The following MYT1L variants were observed in gnomAD, a reference collection of about 807,000 sequenced individuals.
The protein encoded by MYT1L is myelin transcription factor 1-like protein.
In MYT1L, 12 loss-of-function variants were observed where a neutral mutation model predicts 126.7. The observed-to-expected ratio is 0.09, with a 90% CI of 0.06 to 0.15. MYT1L has a LOEUF of 0.15. Ranked by LOEUF, MYT1L falls within the 10% of genes least tolerant of loss-of-function variation. The pLI is 1.00. For missense variants in MYT1L, 979 were observed against 1,585.2 expected (o/e 0.62, Z 6.49); for synonymous variants, 541 against 604.2 (o/e 0.90, Z 1.53).
chr2:1,801,878 T>C lies in MYT1L; in HGVS notation c.3173-79A>G. Reference sequence around the variant, plus strand: ...TTAGAATTTTGGGAGCTTTCTTTGTTCCTTTTATATTCGTAATTGAATTTG... The same window carrying C: ...TTAGAATTTTGGGAGCTTTCTTTGTCCCTTTTATATTCGTAATTGAATTTG... On this transcript the variant is annotated intron_variant, in intron 22 of 24. Coordinates refer to ENST00000647738, the MANE Select transcript of MYT1L (RefSeq NM_001303052.2). The surrounding 1 kb of genome is among the most constrained non-coding windows in gnomAD (Gnocchi z 4.2). The C allele has an allele frequency of 1.2e-6, 1 of 823,562 alleles. No homozygotes were observed. The highest frequency in any genetic ancestry group is 1.8e-5 in the South Asian group (1 of 54,546). The allele number at this position is 823,562 out of a possible 1,614,324, so 51.0% of individuals were successfully genotyped here.
At chr2:1,867,846 T>G (rs1265362128) in intron 18 of MYT1L, among the ~76,000 whole-genome samples, 9 of 152,250 alleles carry the variant, frequency 5.9e-5, no homozygotes, top group Non-Finnish European at 7.3e-5. Flanking sequence ...TCCCCAAAAC[T>G]GTTCCAAATA....
At chr2:1,798,250 C>T (rs577733271) in intron 23 of MYT1L, among the ~76,000 whole-genome samples, 134 of 142,030 alleles carry the variant, frequency 9.4e-4, no homozygotes, top group Middle Eastern at 4.0e-3. Context: ...GCGGCGGTCT[C>T]CCTCCATCCG....
intron 2 of MYT1L, among the ~76,000 whole-genome samples, chr2:2,257,977 A>G (rs1389764791): frequency 7.6e-6 from 1 of 131,530 alleles, no homozygotes; most frequent in Non-Finnish European, 1.6e-5. Context: ...GCATCACACT[A>G]CCTGACTTCA....
intron 3 of MYT1L, among the ~76,000 whole-genome samples, chr2:2,149,631 C>A (rs1390300653): frequency 3.3e-5 from 5 of 152,186 alleles, no homozygotes; most frequent in African/African-American, 1.2e-4. Flanking sequence ...ACCTGTCAGG[C>A]CATACAGGGT....
chr2:2,140,143 A>G (rs1358190365), intron 3 of MYT1L, among the ~76,000 whole-genome samples: 3 of 152,210 alleles, frequency 2.0e-5, no homozygotes, highest in Non-Finnish European at 4.4e-5. Context: ...AGAGTCCTAT[A>G]AAGCCTTTCA....
At chr2:2,299,987 T>C (rs2095758791) in intron 1 of MYT1L, among the ~76,000 whole-genome samples, 1 of 152,198 alleles carries the variant, frequency 6.6e-6, no homozygotes, top group Admixed American at 6.5e-5. Flanking sequence ...TAGAAGTCAT[T>C]CCCAAGCTGT....
intron 1 of MYT1L, among the ~76,000 whole-genome samples, chr2:2,307,131 T>C (rs2095869358): frequency 6.6e-6 from 1 of 152,034 alleles, no homozygotes; most frequent in African/African-American, 2.4e-5. Context: ...ACGGCAATAT[T>C]TGAAATAGAT....
At chr2:1,909,465 G>C (rs2051572244) in intron 13 of MYT1L, among the ~76,000 whole-genome samples, 1 of 152,298 alleles carries the variant, frequency 6.6e-6, no homozygotes, top group Middle Eastern at 3.4e-3. Context: ...TGTTTCTGCT[G>C]TGATGTTGTG....
intron 3 of MYT1L, among the ~76,000 whole-genome samples, chr2:2,143,834 C>T (rs1040046201): frequency 1.3e-5 from 2 of 152,030 alleles, no homozygotes; most frequent in African/African-American, 4.8e-5. Context: ...AGCTGGAGGC[C>T]ATTATCCTAA....
intron 18 of MYT1L, among the ~76,000 whole-genome samples, chr2:1,865,563 G>T (rs1458419601): frequency 6.6e-6 from 1 of 152,104 alleles, no homozygotes; most frequent in African/African-American, 2.4e-5. Flanking sequence ...AAAGTGCAGA[G>T]AATTTTAGCT....
At chr2:2,222,619 T>C (rs2093909471) in intron 2 of MYT1L, among the ~76,000 whole-genome samples, 1 of 152,324 alleles carries the variant, frequency 6.6e-6, no homozygotes, top group East Asian at 1.9e-4. Flanking sequence ...TGTTGCCTGG[T>C]TCCTTTTTTG....
chr2:2,244,656 A>T (rs2094498959), intron 2 of MYT1L, among the ~76,000 whole-genome samples: 1 of 152,234 alleles, frequency 6.6e-6, no homozygotes. Flanking sequence ...AGGCTCCAGG[A>T]ACAGAGCCAG....
rs1559261813 is a variant in MYT1L at position 2,183,861 on chromosome 2, G to GGAAGGAAGGAAGGAGAGGAGGGAAGA, written c.-420-10874_-420-10873insTCTTCCCTCCTCTCCTTCCTTCCTTC. ...GAAGGAAGGAAGGAGAGGAGGGAAG[G>GGAAGGAAGGAAGGAGAGGAGGGAAGA]AAAAAGGAAGGAAGGAAGGAGAGAG... is the stretch of plus-strand genomic sequence containing the variant. On this transcript the variant is annotated intron_variant, in intron 2 of 24. Coordinates refer to ENST00000647738, the MANE Select transcript of MYT1L (RefSeq NM_001303052.2). 3.4e-3 allele frequency among the ~76,000 whole-genome samples: 471 copies of GGAAGGAAGGAAGGAGAGGAGGGAAGA among 139,480 alleles called. 6 individuals are homozygous for GGAAGGAAGGAAGGAGAGGAGGGAAGA. The highest frequency in any genetic ancestry group is 0.012 in the African/African-American group (421 of 36,208). 91.5% of individuals were successfully genotyped at this position (139,480 alleles called of 152,430 possible).
At position 2,265,649 on chromosome 2, in the gene MYT1L, T is replaced by C. The variant is rs184724548; in HGVS notation, c.-421+18755A>G. ...TTGTTTAAGAGCATGGGCCTTGAGG[T>C]TGTGACCGTGAGAAAGATTATTTAA... On this transcript the variant is annotated intron_variant, in intron 2 of 24. Coordinates refer to ENST00000647738, the MANE Select transcript of MYT1L (RefSeq NM_001303052.2). 2.6e-3 allele frequency among the ~76,000 whole-genome samples: 400 copies of C among 152,232 alleles called. 1 individual carries two copies. Among genetic ancestry groups the C allele is most frequent in the African/African-American group, 9.2e-3 (381 of 41,544 alleles).
At chr2:2,295,577 G>GAC (rs199591516) in intron 1 of MYT1L, among the ~76,000 whole-genome samples, 7 of 119,538 alleles carry the variant, frequency 5.9e-5, no homozygotes, top group Non-Finnish European at 1.1e-4. Context: ...GAGAGAGAGA[G>GAC]AGAGAGACAG....
rs1372438128 is a variant in MYT1L at position 2,224,598 on chromosome 2, T to C, written c.-420-51610A>G. Among the ~76,000 whole-genome samples, 1 of 152,024 alleles carries C rather than the reference T, an allele frequency of 6.6e-6. No individual in the cohort carries two copies. The highest frequency in any genetic ancestry group is 2.4e-5 in the African/African-American group (1 of 41,368). On this transcript the variant is annotated intron_variant, in intron 2 of 24. Coordinates refer to ENST00000647738, the MANE Select transcript of MYT1L (RefSeq NM_001303052.2). This position sits in a 1 kb window ranked among gnomAD's most constrained non-coding sequence, Gnocchi z 4.0. ...ACTTTGGGAGGTCAAGACGGGCGGA[T>C]CACGAGGTCAAGAGATTGAGACCAT... is the stretch of plus-strand genomic sequence containing the variant.
intron 3 of MYT1L, among the ~76,000 whole-genome samples, chr2:2,129,049 TTTTC>T (rs750446193): frequency 4.6e-5 from 7 of 152,196 alleles, no homozygotes; most frequent in Non-Finnish European, 1.0e-4. Context: ...AATTAATGGC[TTTTC>T]TTTCTATTAT....
intron 3 of MYT1L, among the ~76,000 whole-genome samples, chr2:2,108,825 T>C (rs2150553312): frequency 6.6e-6 from 1 of 152,356 alleles, no homozygotes; most frequent in South Asian, 2.1e-4. Context: ...ATTTTGTTAC[T>C]TAGCTCTATG....
At chr2:2,073,036 G>A (rs928135118) in intron 3 of MYT1L, among the ~76,000 whole-genome samples, 1 of 152,166 alleles carries the variant, frequency 6.6e-6, no homozygotes, top group Non-Finnish European at 1.5e-5. Flanking sequence ...CAGAAGGAGG[G>A]AGGGAGCTCT....
Sources: allele counts gnomAD v4.1 joint callset (sites outside exome capture counted in the v4.1 genomes callset), GRCh38; gene constraint gnomAD v4.1.1; non-coding constraint Gnocchi (gnomAD v3.1); transcripts MANE v1.5; gene names NCBI Gene and HGNC (gene_info 2026-07-23, HGNC 2026-07-21).